The following AGBL1 variants were observed in gnomAD, a reference collection of about 807,000 sequenced individuals.
AGBL1 encodes the protein cytosolic carboxypeptidase 4.
In AGBL1, 130 loss-of-function variants were observed where a neutral mutation model predicts 118.9. That is an observed-to-expected ratio of 1.09 (90% CI 0.95 to 1.26). The LOEUF (loss-of-function observed/expected upper bound fraction) is 1.26, where lower values mean the gene tolerates loss of function less well. Ranked by LOEUF, AGBL1 falls within the 50% of genes most tolerant of loss-of-function variation. AGBL1 has a pLI of 0.00. For missense variants in AGBL1, 1,584 were observed against 1,298.1 expected, an observed-to-expected ratio of 1.22 and a Z score of -3.38; for synonymous variants, 555 against 478.9, an observed-to-expected ratio of 1.16 and a Z score of -2.08.
intron 17 of AGBL1, chr15:86,296,748 C>G (rs1374954877): frequency 1.3e-5 from 2 of 152,126 alleles, no homozygotes; most frequent in Non-Finnish European, 2.9e-5. Context: ...CATTTAAGAG[C>G]AATTTCTGTA....
At chr15:86,385,923 T>C (rs2081176814) in intron 17 of AGBL1, among the ~76,000 whole-genome samples, 1 of 135,518 alleles carries the variant, frequency 7.4e-6, no homozygotes, top group South Asian at 2.6e-4. Flanking sequence ...ATTCTCCTCC[T>C]CCTCCCCCTC....
rs183588077 is a variant in AGBL1, at chr15:86,143,774, C to T, written c.191C>T (p.Ala64Val). 49 of 1,613,880 alleles carry T rather than the reference C, an allele frequency of 3.0e-5. No homozygotes were observed. Among genetic ancestry groups the T allele is most frequent in the Middle Eastern group, 3.3e-4 (2 of 6,060 alleles). ...CTTCTGCAGACCCTGGTAGACACAG[C>T]GAGGACAGCTCCTCCAGACTATGAC... ...EALLQTLVDT[A>V]RTAPPDYDIL... The change falls in exon 3 of 23, where the codon GCG becomes GTG. Residue 64 changes from alanine to valine, a missense_variant. Ala to Val is a moderately conservative substitution (Grantham distance 64). Transcript: ENST00000614907.
At chr15:86,443,189 C>G (rs1022477590) in intron 18 of AGBL1, among the ~76,000 whole-genome samples, 3 of 152,196 alleles carry the variant, frequency 2.0e-5, no homozygotes, top group Non-Finnish European at 4.4e-5. Context: ...CCATCTGCCG[C>G]AGGGCACCAG....
chr15:86,246,930 A>G (rs1454419639), intron 6 of AGBL1, among the ~76,000 whole-genome samples: 1 of 152,172 alleles, frequency 6.6e-6, no homozygotes, highest in Non-Finnish European at 1.5e-5. Context: ...GATAGGAGGA[A>G]TGGAAATCTG....
intron 22 of AGBL1, among the ~76,000 whole-genome samples, chr15:86,851,480 T>C (rs1299536787): frequency 6.6e-6 from 1 of 152,188 alleles, no homozygotes; most frequent in Non-Finnish European, 1.5e-5. Flanking sequence ...GAGGTCTGTT[T>C]GAAATGGTAA....
chr15:86,388,183 AGC>A (rs2081225068), intron 17 of AGBL1, among the ~76,000 whole-genome samples: 1 of 152,216 alleles, frequency 6.6e-6, no homozygotes, highest in Non-Finnish European at 1.5e-5. Context: ...AGAGAAAGCC[AGC>A]TCACACTTCG....
chr15:86,657,399 A>G (rs1463541518), intron 21 of AGBL1, among the ~76,000 whole-genome samples: 2 of 152,176 alleles, frequency 1.3e-5, no homozygotes, highest in African/African-American at 2.4e-5. Context: ...GTGGGAAATC[A>G]GACTGTCAAT....
chr15:86,772,366 A>G (rs548502913), intron 22 of AGBL1, among the ~76,000 whole-genome samples: 12 of 152,192 alleles, frequency 7.9e-5, no homozygotes, highest in Middle Eastern at 3.4e-3. Context: ...TGGGAAACCT[A>G]TAAGAATAAC....
At chr15:87,004,955 G>C (rs10852083) in intron 24 of AGBL1, among the ~76,000 whole-genome samples, 1 of 152,036 alleles carries the variant, frequency 6.6e-6, no homozygotes, top group African/African-American at 2.4e-5. Context: ...ATGAAGCTTA[G>C]TTTGGCTGGA....
At chr15:86,507,784 A>G (rs955113602) in intron 18 of AGBL1, among the ~76,000 whole-genome samples, 1 of 152,072 alleles carries the variant, frequency 6.6e-6, no homozygotes, top group African/African-American at 2.4e-5. Flanking sequence ...ACAGGGTGGT[A>G]GTGTTGAAAG....
chr15:86,894,032 T>C (rs1360164248), intron 22 of AGBL1, among the ~76,000 whole-genome samples: 1 of 152,170 alleles, frequency 6.6e-6, no homozygotes, highest in African/African-American at 2.4e-5. Context: ...TTCTGATTTA[T>C]ATTTTGCCCC....
intron 17 of AGBL1, chr15:86,296,936 G>C (rs906492610): frequency 1.3e-5 from 2 of 152,136 alleles, no homozygotes. Flanking sequence ...TTATGACATA[G>C]AAGTGCCTCC....
chr15:86,458,349 A>G (rs988926215), intron 18 of AGBL1, among the ~76,000 whole-genome samples: 1 of 152,190 alleles, frequency 6.6e-6, no homozygotes, highest in Non-Finnish European at 1.5e-5. Flanking sequence ...GATGTATTAT[A>G]ATAATTTACA....
intron 18 of AGBL1, among the ~76,000 whole-genome samples, chr15:86,430,980 G>A (rs1382396463): frequency 1.3e-5 from 2 of 152,200 alleles, no homozygotes; most frequent in Admixed American, 6.5e-5. Flanking sequence ...GATAAGGAAA[G>A]TGAGACTCAG....
At chr15:86,722,102 A>G (rs77711726) in intron 22 of AGBL1, among the ~76,000 whole-genome samples, 48,365 of 151,718 alleles carry the variant, frequency 0.32, 9,117 homozygotes, top group Non-Finnish European at 0.42. Flanking sequence ...TATAGATTCA[A>G]TGCCATCCCC....
At chr15:86,851,311 G>C (rs1296672185) in intron 22 of AGBL1, among the ~76,000 whole-genome samples, 2 of 152,114 alleles carry the variant, frequency 1.3e-5, no homozygotes, top group Admixed American at 1.3e-4. Flanking sequence ...ACTGATTCTA[G>C]CTCAAAACCA....
chr15:86,708,019 T>A (rs2086483827), intron 22 of AGBL1, among the ~76,000 whole-genome samples: 1 of 152,150 alleles, frequency 6.6e-6, no homozygotes, highest in South Asian at 2.1e-4. Flanking sequence ...CTTGTTGCCT[T>A]CTTTCATTTT....
At chr15:86,172,761 T>A (rs577027289) in intron 5 of AGBL1, among the ~76,000 whole-genome samples, 1 of 152,356 alleles carries the variant, frequency 6.6e-6, no homozygotes, top group African/African-American at 2.4e-5. Context: ...TGATAAACAC[T>A]TAGGTTGATT....
intron 21 of AGBL1, among the ~76,000 whole-genome samples, chr15:86,629,117 G>A (rs2084929444): frequency 6.6e-6 from 1 of 152,116 alleles, no homozygotes; most frequent in Non-Finnish European, 1.5e-5. Flanking sequence ...AACATTTACA[G>A]CTGACTAACA....
Sources: allele counts gnomAD v4.1 joint callset (sites outside exome capture counted in the v4.1 genomes callset), GRCh38; gene constraint gnomAD v4.1.1; transcripts MANE v1.5; gene names NCBI Gene and HGNC (gene_info 2026-07-23, HGNC 2026-07-21).